The following ADGRG2 variants were observed in gnomAD, a reference collection of about 807,000 sequenced individuals.
ADGRG2 encodes the protein G protein-coupled receptor 64.
In ADGRG2, 26 loss-of-function variants were observed where a neutral mutation model predicts 74.1. The ratio of observed to expected loss-of-function variants is 0.35; its 90% CI spans 0.26 to 0.49. The LOEUF (loss-of-function observed/expected upper bound fraction) is 0.49, where lower values mean the gene tolerates loss of function less well. Ranked by LOEUF, ADGRG2 falls within the 20% of genes least tolerant of loss-of-function variation. The pLI, the probability that ADGRG2 is intolerant of heterozygous loss-of-function variation, is 0.99. For missense variants in ADGRG2, 619 were observed against 763.1 expected (o/e 0.81, Z 2.22); for synonymous variants, 296 against 295.2 (o/e 1.00, Z -0.03).
At chrX:19,031,090 G>A (rs764053208) in intron 8 of ADGRG2, 53 bp from the exon 9 acceptor site, 7 of 827,205 alleles carry the variant, frequency 8.5e-6, no homozygotes, top group African/African-American at 2.0e-5. Flanking sequence ...CCGTGTTTAT[G>A]TGCTGCATTG....
At chrX:19,059,357 T>C (rs1484864192) in intron 3 of ADGRG2, among the ~76,000 whole-genome samples, 2 of 111,975 alleles carry the variant, frequency 1.8e-5, no homozygotes, top group Non-Finnish European at 3.8e-5. Flanking sequence ...AATAAGCACT[T>C]TCTGGATCTT....
At chrX:18,994,255 C>T (rs1042487605) in intron 28 of ADGRG2, among the ~76,000 whole-genome samples, 2 of 111,874 alleles carry the variant, frequency 1.8e-5, no homozygotes, top group South Asian at 3.7e-4. Context: ...TTTGGGAGGC[C>T]GAGGTGGGCA....
chrX:19,073,871 G>A (rs2061691755), intron 2 of ADGRG2, among the ~76,000 whole-genome samples: 3 of 111,739 alleles, frequency 2.7e-5, no homozygotes, highest in South Asian at 7.4e-4. Context: ...AAAACTCTAT[G>A]CTTTTGAGAC....
chrX:19,099,283 CTGCTTTATTTGTATTAACT>C (rs1188452876), intron 1 of ADGRG2, among the ~76,000 whole-genome samples: 23 of 112,556 alleles, frequency 2.0e-4, no homozygotes, highest in African/African-American at 5.2e-4. Context: ...ATGGATTGAA[CTGCTTTATTTGTATTAACT>C]TGCTTTATTT....
intron 3 of ADGRG2, among the ~76,000 whole-genome samples, chrX:19,066,500 A>G (rs1166036344): frequency 3.4e-5 from 3 of 89,291 alleles, no homozygotes; most frequent in African/African-American, 1.4e-4. Flanking sequence ...CTGCCACCCA[A>G]GCTGGACTGC....
Position 19,007,379 on chromosome X carries a change from G to A in ADGRG2, c.1567-22C>T, listed in dbSNP as rs151105580. 1,177 of 1,193,061 alleles carry A rather than the reference G, an allele frequency of 9.9e-4. 10 individuals are homozygous for A. The African/African-American group carries it at 0.018, about 18-fold the overall frequency. The stretch of plus-strand genomic sequence containing the variant: ...GATCCTGGCACATCAAGATGGCAAG[G>A]GTAAATGAGATATTGTCAGAGTTTT... On this transcript the variant is annotated intron_variant, in intron 19 of 28. Coordinates refer to ENST00000379869, the MANE Select transcript of ADGRG2 (RefSeq NM_001079858.3).
At chrX:19,014,388 C>T (rs1053587241) in intron 15 of ADGRG2, among the ~76,000 whole-genome samples, 9 of 111,570 alleles carry the variant, frequency 8.1e-5, no homozygotes, top group African/African-American at 1.6e-4. Context: ...TCTGTGCTCC[C>T]GGGTGAGGGG....
intron 6 of ADGRG2, chrX:19,036,485 C>G (rs2146722880): frequency 9.0e-6 from 1 of 110,824 alleles, no homozygotes; most frequent in Admixed American, 9.7e-5. Flanking sequence ...TCATTTGGAT[C>G]CTGTTTGATT....
chrX:19,008,840 A>C (rs1035071447), intron 18 of ADGRG2, among the ~76,000 whole-genome samples: 2 of 111,536 alleles, frequency 1.8e-5, no homozygotes, highest in African/African-American at 6.5e-5. Flanking sequence ...GTCCTCATAG[A>C]ACCATGTGCA....
chrX:19,001,623 G>C (rs1462390795), intron 24 of ADGRG2, among the ~76,000 whole-genome samples: 1 of 111,800 alleles, frequency 8.9e-6, no homozygotes, highest in Non-Finnish European at 1.9e-5. Flanking sequence ...CCAGTATCTG[G>C]AGCGTTGACT....
At chrX:19,022,301 G>T (rs975433042) in intron 13 of ADGRG2, among the ~76,000 whole-genome samples, 51 of 110,604 alleles carry the variant, frequency 4.6e-4, no homozygotes, top group African/African-American at 1.7e-3. Context: ...ATTCTATCTA[G>T]ATTATTAGAT....
chrX:18,991,848 C>G (rs1403991978), intron 28 of ADGRG2, among the ~76,000 whole-genome samples: 1 of 112,236 alleles, frequency 8.9e-6, no homozygotes, highest in Non-Finnish European at 1.9e-5. Flanking sequence ...TAGTTCATGA[C>G]ATGATTATGA....
At chrX:19,100,746 A>G (rs1418447386) in intron 1 of ADGRG2, among the ~76,000 whole-genome samples, 1 of 113,403 alleles carries the variant, frequency 8.8e-6, no homozygotes, top group Non-Finnish European at 1.9e-5. Flanking sequence ...AACATATGTG[A>G]AAAGAATGCA....
At chrX:19,112,988 C>CAAAAAAAAAAAAAAAAAAAAAAAAACA (rs756477082) in intron 1 of ADGRG2, among the ~76,000 whole-genome samples, 2 of 71,430 alleles carry the variant, frequency 2.8e-5, no homozygotes, top group Non-Finnish European at 2.8e-5. Context: ...AAAAAAAAAC[C>CAAAAAAAAAAAAAAAAAAAAAAAAACA]AAAAAAAAAA....
At chrX:19,036,808 GT>G (rs890915752) in intron 6 of ADGRG2, among the ~76,000 whole-genome samples, 1 of 111,459 alleles carries the variant, frequency 9.0e-6, no homozygotes, top group African/African-American at 3.3e-5. Context: ...ATCTATGATT[GT>G]TTAGCTCCTT....
chrX:19,051,685 C>T (rs1425215375), intron 3 of ADGRG2, among the ~76,000 whole-genome samples: 1 of 111,659 alleles, frequency 9.0e-6, no homozygotes, highest in African/African-American at 3.3e-5. Flanking sequence ...CTCTCTTTCT[C>T]CCTCTCTCTT....
rs1481978044 is a variant in ADGRG2, at chrX:18,990,953, C to T, written c.2965G>A (p.Glu989Lys). 1.4e-5 allele frequency: 17 copies of T among 1,202,818 alleles called. No homozygotes were observed. The highest frequency in any genetic ancestry group is 3.0e-5 in the East Asian group (1 of 33,767). ...DFTGKQHMFN[E>K]KEDSCNGKGR... is the part of the protein sequence containing the mutation. Reference sequence around the variant, plus strand: ...TTCCCATTGCAGGAATCTTCCTTCTCGTTAAACATGTGCTGTTTTCCAGTG... The same window carrying T: ...TTCCCATTGCAGGAATCTTCCTTCTTGTTAAACATGTGCTGTTTTCCAGTG... Residue 989 changes from glutamate to lysine, a missense_variant, in exon 29 of 29, where the codon GAG becomes AAG. Coordinates refer to ENST00000379869, the MANE Select transcript of ADGRG2 (RefSeq NM_001079858.3).
intron 26 of ADGRG2, among the ~76,000 whole-genome samples, chrX:18,998,624 T>TA (rs1414519740): frequency 9.5e-6 from 1 of 105,044 alleles, no homozygotes; most frequent in Non-Finnish European, 1.9e-5. Flanking sequence ...TTTTTTTTTT[T>TA]ACAAATTGAA....
chrX:19,036,642 C>CACAG (rs1256521283), intron 6 of ADGRG2, among the ~76,000 whole-genome samples: 4 of 110,337 alleles, frequency 3.6e-5, no homozygotes, highest in African/African-American at 1.3e-4. Flanking sequence ...CACACACACA[C>CACAG]ACACACACAC....
Sources: allele counts gnomAD v4.1 joint callset (sites outside exome capture counted in the v4.1 genomes callset), GRCh38; gene constraint gnomAD v4.1.1; transcripts MANE v1.5; gene names NCBI Gene and HGNC (gene_info 2026-07-23, HGNC 2026-07-21).